The following PPP6R2 variants were observed in gnomAD, a reference collection of about 807,000 sequenced individuals.
PPP6R2 encodes the protein protein phosphatase 6 regulatory subunit 2.
PPP6R2 carries 62 observed loss-of-function variants against 100.2 expected under a neutral mutation model. The observed-to-expected ratio is 0.62, with a 90% confidence interval of 0.50 to 0.76. PPP6R2 has a LOEUF of 0.76. Among genes scored for constraint, PPP6R2 ranks in the 30% least tolerant of loss-of-function variants. The pLI is 0.00. For missense variants in PPP6R2, 1,142 were observed against 1,276.3 expected (o/e 0.89, Z 1.60); for synonymous variants, 525 against 514.7 (o/e 1.02, Z -0.27).
At chr22:50,394,620 A>AG (rs1361870339) in intron 3 of PPP6R2, among the ~76,000 whole-genome samples, 3 of 149,298 alleles carry the variant, frequency 2.0e-5, no homozygotes, top group Admixed American at 1.3e-4. Flanking sequence ...AAAAAAAAAA[A>AG]AAAAGGCCGG....
the PPP6R2 span, among the ~76,000 whole-genome samples, chr22:50,333,967 TGGAGAG>T: frequency 6.6e-6 from 1 of 152,088 alleles, no homozygotes; most frequent in Non-Finnish European, 1.5e-5. Flanking sequence ...GTAGCCAAGG[TGGAGAG>T]AGAGAGAGGA....
In PPP6R2 at chr22:50,438,240, G is replaced by A. The variant is rs767787610; in HGVS notation, c.1906G>A (p.Glu636Lys). Reference sequence around the variant, plus strand: ...CCAGCCCTTTGATGATGATGAGGACGAGGACATCTGGGAGGACAGTGACAC... The same window carrying A: ...CCAGCCCTTTGATGATGATGAGGACAAGGACATCTGGGAGGACAGTGACAC... ...RIQPFDDDED[E>K]DIWEDSDTRC... The change falls in exon 18 of 24, where the codon GAG (glutamate) becomes AAG (lysine). Residue 636 changes from glutamate to lysine, a missense_variant. Physicochemically the swap from Glu to Lys is moderately conservative, Grantham distance 56. Transcript: ENST00000612753. The A allele has an allele frequency of 3.1e-6, 5 of 1,613,948 alleles. No individual in the cohort carries two copies. The highest frequency in any genetic ancestry group is 4.2e-6 in the Non-Finnish European group (5 of 1,179,980).
At chr22:50,434,583 G>A (rs1203333762) in intron 12 of PPP6R2, among the ~76,000 whole-genome samples, 1 of 101,410 alleles carries the variant, frequency 9.9e-6, no homozygotes, top group African/African-American at 4.1e-5. Flanking sequence ...TGAACCTGGA[G>A]GAGGGCCGGG....
At chr22:50,436,701 G>C (rs2148281802) in intron 14 of PPP6R2, among the ~76,000 whole-genome samples, 1 of 152,316 alleles carries the variant, frequency 6.6e-6, no homozygotes, top group East Asian at 1.9e-4. Context: ...GTTGGCCTCA[G>C]GTCCCTTTCC....
At chr22:50,338,978 GTGTGTGGTATGTAGTA>G (rs2042336415), upstream of PPP6R2, among the ~76,000 whole-genome samples, 1 of 134,494 alleles carries the variant, frequency 7.4e-6, no homozygotes, top group Non-Finnish European at 1.5e-5. Flanking sequence ...TGTGTGGTGT[GTGTGTGGTATGTAGTA>G]TGTGTGGTAT....
At chr22:50,405,915 AAGGCCTGGAGAGAGGTGAG>A (rs1298455906) in intron 3 of PPP6R2, among the ~76,000 whole-genome samples, 23 of 65,900 alleles carry the variant, frequency 3.5e-4, no homozygotes, top group East Asian at 1.6e-3. Flanking sequence ...GGCGAGTGTG[AAGGCCTGGAGAGAGGTGAG>A]AGGCCTGGAG....
At chr22:50,388,285 T>G (rs2054668198) in intron 2 of PPP6R2, among the ~76,000 whole-genome samples, 1 of 151,756 alleles carries the variant, frequency 6.6e-6, no homozygotes, top group Non-Finnish European at 1.5e-5. Flanking sequence ...TCCCAGCTAC[T>G]TGGGAGGCTG....
At position 50,381,698 on chromosome 22, in the gene PPP6R2, A is replaced by G. The variant is rs1602728666; in HGVS notation, c.-17+9548A>G. Among the ~76,000 whole-genome samples the G allele has an allele frequency of 2.0e-5, 3 of 152,094 alleles. No individual in the cohort carries two copies. The South Asian group carries it at 6.2e-4, about 31-fold the overall frequency. ...CACTTTGGGAGGCCGAGGCGGGTGGATCACGAGATCAGGAGATTGAGACCA... is the reference window on the plus strand; with the variant it reads ...CACTTTGGGAGGCCGAGGCGGGTGGGTCACGAGATCAGGAGATTGAGACCA... On this transcript the variant is annotated intron_variant, in intron 2 of 23. Transcript: ENST00000612753.
intron 10 of PPP6R2, among the ~76,000 whole-genome samples, chr22:50,428,476 C>G (rs991321011): frequency 6.6e-6 from 1 of 151,962 alleles, no homozygotes; most frequent in Non-Finnish European, 1.5e-5. Flanking sequence ...TTTGGGAGGC[C>G]TACACAGGAG....
At chr22:50,341,216 A>AT (rs1455128832), upstream of PPP6R2, among the ~76,000 whole-genome samples, 4 of 149,570 alleles carry the variant, frequency 2.7e-5, no homozygotes, top group African/African-American at 4.9e-5. Flanking sequence ...CTGTCCCTTT[A>AT]TTTTTTTGAG....
At chr22:50,417,986 C>T (rs761922029) in intron 6 of PPP6R2, among the ~76,000 whole-genome samples, 7 of 152,202 alleles carry the variant, frequency 4.6e-5, no homozygotes, top group Non-Finnish European at 7.3e-5. Context: ...AGCAGGGGCA[C>T]GTTCCCATCA....
chr22:50,389,424 G>A (rs987973452), intron 2 of PPP6R2, among the ~76,000 whole-genome samples: 20 of 152,242 alleles, frequency 1.3e-4, no homozygotes, highest in African/African-American at 4.3e-4. Flanking sequence ...GAAAAAAGAA[G>A]TATGTAATAT....
chr22:50,432,409 C>A, intron 12 of PPP6R2, 80 bp downstream of exon 12: 1 of 1,328,188 alleles, frequency 7.5e-7, no homozygotes, highest in Non-Finnish European at 1.1e-6. Context: ...GCCCTGGTGA[C>A]GCTGCGTGCA....
chr22:50,410,364 T>C (rs2059567589), intron 4 of PPP6R2, among the ~76,000 whole-genome samples: 1 of 152,210 alleles, frequency 6.6e-6, no homozygotes, highest in African/African-American at 2.4e-5. Flanking sequence ...CAGGCTACTT[T>C]GATTTCTCAG....
the PPP6R2 span, among the ~76,000 whole-genome samples, chr22:50,330,958 A>G: frequency 1.1e-3 from 162 of 152,228 alleles, no homozygotes; most frequent in Non-Finnish European, 1.1e-3. Context: ...TTCGTCCCAT[A>G]AGACTCATCT....
chr22:50,361,205 TTCCTTTGATAAC>T (rs1474354917), intron 1 of PPP6R2, among the ~76,000 whole-genome samples: 1 of 152,198 alleles, frequency 6.6e-6, no homozygotes, highest in African/African-American at 2.4e-5. Context: ...CCTTTTGGAT[TTCCTTTGATAAC>T]TCCTTTTTTT....
intron 23 of PPP6R2, 32 bp from the exon 24 acceptor site, chr22:50,444,167 C>G (rs774583728): frequency 1.9e-6 from 3 of 1,612,176 alleles, no homozygotes; most frequent in Non-Finnish European, 1.7e-6. Flanking sequence ...GCCCGCAGCC[C>G]GCACGGTTCC....
intron 2 of PPP6R2, among the ~76,000 whole-genome samples, chr22:50,387,484 G>A (rs1945009945): frequency 6.6e-6 from 1 of 152,120 alleles, no homozygotes; most frequent in South Asian, 2.1e-4. Context: ...GATCGACATA[G>A]TCTTGTTTGT....
chr22:50,394,880 C>T (rs1213526728), intron 3 of PPP6R2, among the ~76,000 whole-genome samples: 1 of 138,730 alleles, frequency 7.2e-6, no homozygotes, highest in African/African-American at 2.8e-5. Flanking sequence ...CACCACTGCA[C>T]TGCATCCTGG....
Sources: allele counts gnomAD v4.1 joint callset (sites outside exome capture counted in the v4.1 genomes callset), GRCh38; gene constraint gnomAD v4.1.1; transcripts MANE v1.5; gene names NCBI Gene and HGNC (gene_info 2026-07-23, HGNC 2026-07-21).